The following ASAP1 variants were observed in gnomAD, a reference collection of about 807,000 sequenced individuals.
ASAP1 encodes arf-GAP with SH3 domain, ANK repeat and PH domain-containing protein 1.
In ASAP1, 43 loss-of-function variants were observed where a neutral mutation model predicts 145.2. The observed-to-expected ratio is 0.30, with a 90% confidence interval of 0.23 to 0.38. ASAP1 has a LOEUF of 0.38. ASAP1 is among the 10% of genes least tolerant of loss of function. ASAP1 has a pLI of 1.00. For synonymous variants in ASAP1, 546 were observed against 515.5 expected (o/e 1.06, Z -0.80); for missense variants, 1,018 against 1,355.3 (o/e 0.75, Z 3.91).
At chr8:130,371,582 C>T (rs1373711012) in intron 2 of ASAP1, among the ~76,000 whole-genome samples, 1 of 152,204 alleles carries the variant, frequency 6.6e-6, no homozygotes, top group Non-Finnish European at 1.5e-5. Context: ...GGTAAAGTGC[C>T]TTAAAAAGGG....
At chr8:130,067,493 C>A (rs1488680605) in intron 27 of ASAP1, among the ~76,000 whole-genome samples, 1 of 152,132 alleles carries the variant, frequency 6.6e-6, no homozygotes, top group African/African-American at 2.4e-5. Context: ...CCTCTTGGGT[C>A]CAAGAGATCC....
chr8:130,272,292 C>T (rs1006638066), intron 3 of ASAP1, among the ~76,000 whole-genome samples: 14 of 152,172 alleles, frequency 9.2e-5, no homozygotes. Context: ...GACATATCAT[C>T]TTATCCCAGT....
intron 15 of ASAP1, among the ~76,000 whole-genome samples, chr8:130,132,211 C>T (rs2097584246): frequency 1.3e-5 from 2 of 152,138 alleles, no homozygotes; most frequent in South Asian, 4.1e-4. Context: ...GACAAAAGTC[C>T]CTACTTTCTG....
chr8:130,262,408 AAAAAAAAAAGAGAGAGAGAG>A (rs1819962278), intron 3 of ASAP1, among the ~76,000 whole-genome samples: 1 of 115,712 alleles, frequency 8.6e-6, no homozygotes, highest in Non-Finnish European at 1.7e-5. Flanking sequence ...AAAAAAAAAA[AAAAAAAAAAGAGAGAGAGAG>A]AGAGAGAGAG....
intron 27 of ASAP1, among the ~76,000 whole-genome samples, chr8:130,069,330 G>A (rs2097437063): frequency 1.3e-5 from 2 of 152,134 alleles, no homozygotes; most frequent in Non-Finnish European, 2.9e-5. Flanking sequence ...CTGCCTCCCA[G>A]GCTCATGCAA....
At chr8:130,100,150 C>T (rs1292614627) in intron 24 of ASAP1, among the ~76,000 whole-genome samples, 3 of 152,126 alleles carry the variant, frequency 2.0e-5, no homozygotes, top group African/African-American at 7.2e-5. Context: ...AAGAGTTCCC[C>T]TTTCTCTGCA....
intron 3 of ASAP1, among the ~76,000 whole-genome samples, chr8:130,298,885 T>A (rs1347632108): frequency 6.6e-6 from 1 of 152,196 alleles, no homozygotes; most frequent in African/African-American, 2.4e-5. Context: ...TGTTTATTCA[T>A]ATGTCTGCCC....
rs191413169 is a variant in ASAP1 at position 130,347,567 on chromosome 8, T to C, written c.186+10450A>G. 2.0e-5 allele frequency among the ~76,000 whole-genome samples: 3 copies of C among 152,348 alleles called. No individual in the cohort carries two copies. In the East Asian group the frequency reaches 5.8e-4, roughly 29 times the overall value. ...CTGTGTGATCTGGGTATAAACGGTG[T>C]GCTTCCCTATCCTCCTACTCTCCTC... On this transcript the variant is annotated intron_variant, in intron 3 of 29. Transcript: ENST00000518721.
chr8:130,070,118 G>A (rs2097439472), intron 27 of ASAP1, among the ~76,000 whole-genome samples: 1 of 151,930 alleles, frequency 6.6e-6, no homozygotes, highest in South Asian at 2.1e-4. Flanking sequence ...CTCACTGCAA[G>A]CTCCGCCTCC....
chr8:130,146,720 C>T (rs1362162700), intron 13 of ASAP1, among the ~76,000 whole-genome samples: 1 of 152,150 alleles, frequency 6.6e-6, no homozygotes, highest in Admixed American at 6.5e-5. Flanking sequence ...CTTCAGCGCT[C>T]TGGATGGGGC....
chr8:130,237,166 G>A (rs1818265906), intron 3 of ASAP1, among the ~76,000 whole-genome samples, 172 bp from the exon 4 acceptor site: 1 of 152,150 alleles, frequency 6.6e-6, no homozygotes, highest in African/African-American at 2.4e-5. Flanking sequence ...GATCTGAGTA[G>A]TTATATTTTC....
intron 26 of ASAP1, among the ~76,000 whole-genome samples, chr8:130,077,124 C>T (rs529853675): frequency 3.9e-5 from 6 of 152,318 alleles, no homozygotes; most frequent in Admixed American, 6.5e-5. Flanking sequence ...AGTGGAAATT[C>T]GGCCCTAGCT....
At chr8:130,259,496 T>G (rs962289037) in intron 3 of ASAP1, among the ~76,000 whole-genome samples, 4 of 152,196 alleles carry the variant, frequency 2.6e-5, no homozygotes, top group South Asian at 2.1e-4. Flanking sequence ...AGTTTGTAGA[T>G]GGACAAAACA....
rs1045807734 is a variant in ASAP1, at chr8:130,125,877, AC to A, written c.1515+78del. On this transcript the variant is annotated intron_variant, in intron 17 of 29. Coordinates refer to ENST00000518721, the MANE Select transcript of ASAP1 (RefSeq NM_018482.4). Reference sequence around the variant, plus strand: ...ATAATTCTTTGTACTCAGCAGACATACAAAAAAAATCCAAAACAATATATTA... The same window carrying A: ...ATAATTCTTTGTACTCAGCAGACATAAAAAAAAATCCAAAACAATATATTA... The A allele has an allele frequency of 3.5e-6, 5 of 1,431,842 alleles. No homozygotes were observed. The Admixed American group carries it at 1.2e-4, about 33-fold the overall frequency. 88.7% of individuals were successfully genotyped at this position (1,431,842 alleles called of 1,614,324 possible). A position where few individuals can be genotyped will look rare whatever the true frequency, so the allele number is the denominator to read the frequency against.
rs114009555 is a variant in ASAP1 at position 130,174,900 on chromosome 8, T to C, written c.746+4364A>G. The stretch of plus-strand genomic sequence containing the variant: ...ACATTTTGTTTAACCTTTTATCAAC[T>C]GATGGATATCTGGGTGTTTCCGTGT... On this transcript the variant is annotated intron_variant, in intron 9 of 29. Transcript: ENST00000518721. Among the ~76,000 whole-genome samples the C allele has an allele frequency of 8.0e-3, 1,224 of 152,376 alleles. 20 individuals are homozygous for C. The highest frequency in any genetic ancestry group is 0.028 in the African/African-American group (1,171 of 41,590).
At chr8:130,215,211 C>G (rs979793640) in intron 4 of ASAP1, among the ~76,000 whole-genome samples, 1 of 152,030 alleles carries the variant, frequency 6.6e-6, no homozygotes, top group Non-Finnish European at 1.5e-5. Flanking sequence ...TTCCCTTTTT[C>G]TTTCATAGAA....
chr8:130,132,082 G>C (rs554083033), intron 15 of ASAP1, among the ~76,000 whole-genome samples: 1 of 146,682 alleles, frequency 6.8e-6, no homozygotes, highest in Admixed American at 6.7e-5. Context: ...GAATGAAATC[G>C]GAGAAGGAGA....
intron 9 of ASAP1, among the ~76,000 whole-genome samples, chr8:130,170,513 C>A (rs1285273642): frequency 3.3e-5 from 5 of 152,100 alleles, no homozygotes; most frequent in Non-Finnish European, 5.9e-5. Flanking sequence ...TGTTCAGTGG[C>A]AATAACACAG....
In ASAP1 at chr8:130,443,642, G is replaced by C. The variant is rs945214049; in HGVS notation, c.-210C>G. On this transcript the variant is annotated 5_prime_UTR_variant, in exon 1 of 30. Transcript: ENST00000518721. ...CCAGGCCAGGCGAGGCGCGGGAGCC[G>C]AGCGCGGCGCAGGAAGGGGCGGGCG... 1.3e-5 allele frequency: 2 copies of C among 151,738 alleles called. No individual in the cohort carries two copies. The highest frequency in any genetic ancestry group is 4.8e-5 in the African/African-American group (2 of 41,356). The allele number at this position is 151,738 out of a possible 1,614,324, so 9.4% of individuals were successfully genotyped here.
Sources: gnomAD v4.1 joint callset for allele counts (sites outside exome capture counted in the v4.1 genomes callset) on GRCh38, gnomAD v4.1.1 for gene constraint, MANE v1.5 for transcripts, NCBI Gene and HGNC (gene_info 2026-07-23, HGNC 2026-07-21) for gene names.